The following ITGA9 variants were observed in gnomAD, a reference collection of about 807,000 sequenced individuals.
The protein encoded by ITGA9 is integrin alpha-9.
ITGA9 carries 56 observed loss-of-function variants against 127.8 expected under a neutral mutation model. The observed-to-expected ratio is 0.44, with a 90% confidence interval of 0.35 to 0.55. The LOEUF (loss-of-function observed/expected upper bound fraction) is 0.55, where lower values mean the gene tolerates loss of function less well. Among genes scored for constraint, ITGA9 ranks in the 20% least tolerant of loss-of-function variants. The probability of loss-of-function intolerance (pLI) is 0.00; values close to 1 mark genes in which losing one functional copy is unlikely to be tolerated. For synonymous variants in ITGA9, 508 were observed against 514.5 expected (o/e 0.99, Z 0.17); for missense variants, 1,196 against 1,347.1 (o/e 0.89, Z 1.76).
intron 15 of ITGA9, among the ~76,000 whole-genome samples, chr3:37,628,177 C>T (rs1420777445): frequency 6.6e-6 from 1 of 152,174 alleles, no homozygotes; most frequent in Non-Finnish European, 1.5e-5. Flanking sequence ...TCTCCTGTCT[C>T]CCCAGGGACT....
intron 15 of ITGA9, among the ~76,000 whole-genome samples, chr3:37,617,598 A>G (rs1700087515): frequency 6.6e-6 from 1 of 152,182 alleles, no homozygotes; most frequent in African/African-American, 2.4e-5. Context: ...TTTCAGGTAC[A>G]CCAATCAGAC....
In ITGA9 at chr3:37,819,800, C is replaced by T. The variant is rs1479967723; in HGVS notation, c.*811C>T. ...ACAGATGATGGATGAAAGCTTGGAG[C>T]AATGCCATGTGGTCATCTGGTAAAC... On this transcript the variant is annotated 3_prime_UTR_variant, in exon 28 of 28. Transcript: ENST00000264741. The T allele has an allele frequency of 2.6e-5, 4 of 152,210 alleles. No homozygotes were observed. Among genetic ancestry groups the T allele is most frequent in the African/African-American group, 9.6e-5 (4 of 41,454 alleles). 9.4% of individuals were successfully genotyped at this position (152,210 alleles called of 1,614,324 possible). A position where few individuals can be genotyped will look rare whatever the true frequency, so the allele number is the denominator to read the frequency against.
intron 15 of ITGA9, among the ~76,000 whole-genome samples, chr3:37,557,865 A>C (rs983656451): frequency 2.0e-5 from 3 of 152,228 alleles, no homozygotes; most frequent in African/African-American, 7.2e-5. Context: ...AGAGCATTTA[A>C]TTTATTTAAG....
intron 4 of ITGA9, among the ~76,000 whole-genome samples, chr3:37,485,495 G>A (rs1559517942): frequency 6.6e-6 from 1 of 152,188 alleles, no homozygotes; most frequent in Non-Finnish European, 1.5e-5. Flanking sequence ...TGCATTTACC[G>A]CTTTGGGTTA....
intron 14 of ITGA9, 137 bp downstream of exon 14, chr3:37,533,605 C>T: frequency 1.3e-6 from 1 of 783,012 alleles, no homozygotes; most frequent in East Asian, 2.7e-5. Flanking sequence ...CATCCTTTCC[C>T]TCTGAGGTTC....
chr3:37,699,451 T>C (rs983002025), intron 18 of ITGA9, among the ~76,000 whole-genome samples: 2 of 152,244 alleles, frequency 1.3e-5, no homozygotes, highest in African/African-American at 4.8e-5. Flanking sequence ...TCAAACACCC[T>C]GTTGGCTGAT....
intron 15 of ITGA9, among the ~76,000 whole-genome samples, chr3:37,604,757 A>C (rs1699952758): frequency 6.6e-6 from 1 of 152,190 alleles, no homozygotes; most frequent in Non-Finnish European, 1.5e-5. Context: ...CACCCCTTTA[A>C]GACCCTAAAG....
chr3:37,740,626 T>A (rs1559584111), intron 20 of ITGA9, among the ~76,000 whole-genome samples: 1 of 152,108 alleles, frequency 6.6e-6, no homozygotes, highest in Non-Finnish European at 1.5e-5. Flanking sequence ...GTTACCTGAT[T>A]TATCTGACTT....
At chr3:37,687,045 G>C (rs1009849580) in intron 18 of ITGA9, among the ~76,000 whole-genome samples, 9 of 152,098 alleles carry the variant, frequency 5.9e-5, no homozygotes, top group East Asian at 1.9e-4. Context: ...AAGATACAGA[G>C]GGAAAGCATA....
Position 37,570,128 on chromosome 3 carries a change from C to T in ITGA9, c.1689+27543C>T, listed in dbSNP as rs186741255. 5.5e-3 allele frequency among the ~76,000 whole-genome samples: 839 copies of T among 152,362 alleles called. 17 individuals are homozygous for T. In the South Asian group the frequency reaches 0.057, roughly 10 times the overall value. ...CAGCTGCCTTGATCCCTCAGAGCCC[C>T]GGCATTTCTGCCCGGGGTTTGGCCA... is the stretch of plus-strand genomic sequence containing the variant. On this transcript the variant is annotated intron_variant, in intron 15 of 27. Transcript: ENST00000264741.
chr3:37,772,131 G>A (rs962487920), intron 23 of ITGA9, among the ~76,000 whole-genome samples: 3 of 152,020 alleles, frequency 2.0e-5, no homozygotes, highest in Non-Finnish European at 2.9e-5. Context: ...GTAGGCCAGG[G>A]GCTGTGGCTC....
intron 8 of ITGA9, among the ~76,000 whole-genome samples, chr3:37,509,774 GA>G (rs1466114396): frequency 3.3e-5 from 5 of 152,064 alleles, no homozygotes; most frequent in Admixed American, 2.6e-4. Context: ...AACAGCACTG[GA>G]AAATGACTGT....
chr3:37,519,208 A>C, intron 10 of ITGA9, 52 bp from the exon 11 acceptor site: 1 of 1,342,932 alleles, frequency 7.4e-7, no homozygotes, highest in Non-Finnish European at 1.1e-6. Context: ...GGGAAGCTGC[A>C]CTTGTATTAT....
At chr3:37,531,855 C>T (rs1206050853) in intron 13 of ITGA9, among the ~76,000 whole-genome samples, 1 of 152,234 alleles carries the variant, frequency 6.6e-6, no homozygotes, top group Admixed American at 6.5e-5. Flanking sequence ...TAGACAATGA[C>T]TGTTCACCTT....
chr3:37,648,830 T>C (rs191925556), intron 16 of ITGA9, among the ~76,000 whole-genome samples: 4 of 152,196 alleles, frequency 2.6e-5, no homozygotes, highest in African/African-American at 7.2e-5. Context: ...ATAGCTTTTA[T>C]GTCTATGAAG....
intron 26 of ITGA9, among the ~76,000 whole-genome samples, chr3:37,791,994 C>T (rs1462207427): frequency 6.6e-6 from 1 of 152,098 alleles, no homozygotes; most frequent in African/African-American, 2.4e-5. Context: ...GAATCTTTCC[C>T]CCCTTGAACC....
intron 7 of ITGA9, among the ~76,000 whole-genome samples, chr3:37,507,288 G>A (rs1698855100): frequency 6.6e-6 from 1 of 152,200 alleles, no homozygotes; most frequent in Admixed American, 6.5e-5. Context: ...TCACATTGAT[G>A]TTGTCTTCTT....
At chr3:37,479,949 C>T (rs561741756) in intron 3 of ITGA9, among the ~76,000 whole-genome samples, 6 of 152,090 alleles carry the variant, frequency 3.9e-5, no homozygotes, top group Admixed American at 1.3e-4. Context: ...TTATCACTTA[C>T]GAAAACAATG....
chr3:37,671,936 TA>T (rs1414174419), intron 17 of ITGA9, among the ~76,000 whole-genome samples: 1 of 152,226 alleles, frequency 6.6e-6, no homozygotes, highest in Non-Finnish European at 1.5e-5. Flanking sequence ...TTTGAATATA[TA>T]AATATGAACA....
Sources: allele counts gnomAD v4.1 joint callset (sites outside exome capture counted in the v4.1 genomes callset), GRCh38; gene constraint gnomAD v4.1.1; transcripts MANE v1.5; gene names NCBI Gene and HGNC (gene_info 2026-07-23, HGNC 2026-07-21).